H3C4: variants seen among roughly 807,000 people sequenced by gnomAD.
H3C4 encodes the protein H3 clustered histone 4.
A neutral mutation model predicts 8.7 loss-of-function variants in H3C4; 10 were observed. That is an observed-to-expected ratio of 1.15 (90% CI 0.71 to 1.96). H3C4 has a LOEUF of 1.96. Among genes scored for constraint, H3C4 ranks in the 30% most tolerant of loss-of-function variants. The pLI is 0.00. For synonymous variants in H3C4, 141 were observed against 80.1 expected (o/e 1.76, Z -4.06); for missense variants, 216 against 192.9 (o/e 1.12, Z -0.71).
chr6:26,196,802 G>C lies in H3C4; in HGVS notation c.*38C>G, dbSNP rs375318977. 4 of 1,610,426 alleles carry C rather than the reference G, an allele frequency of 2.5e-6. No homozygotes were observed. The highest frequency in any genetic ancestry group is 3.4e-6 in the Non-Finnish European group (4 of 1,178,120). On this transcript the variant is annotated 3_prime_UTR_variant, in exon 1 of 1. Transcript: ENST00000356476. The stretch of plus-strand genomic sequence containing the variant: ...GAAAAGGTGGTTGGCTCTGAAAAGA[G>C]CCTTTGGGTTTTGGTTAGCACACAT...
At chr6:26,199,200 G>C (rs773531178), upstream of H3C4, 5 of 1,612,638 alleles carry the variant, frequency 3.1e-6, no homozygotes, top group Non-Finnish European at 3.4e-6. Flanking sequence ...GCGGGTCTTA[G>C]CCTTAGCTCG....
chr6:26,197,881 T>TAAAAAAAA (rs79006416), upstream of H3C4, among the ~76,000 whole-genome samples: 3 of 105,204 alleles, frequency 2.9e-5, no homozygotes, highest in Non-Finnish European at 5.8e-5. Flanking sequence ...TAATCTGCTG[T>TAAAAAAAA]AAAAAAAAAA....
chr6:26,198,612 G>A (rs952330308), upstream of H3C4, among the ~76,000 whole-genome samples: 1 of 152,194 alleles, frequency 6.6e-6, no homozygotes, highest in African/African-American at 2.4e-5. Context: ...GATTACAGGC[G>A]TAAGGAACCG....
chr6:26,199,022 G>C (rs199881054), upstream of H3C4: 22 of 1,614,126 alleles, frequency 1.4e-5, no homozygotes, highest in Admixed American at 5.0e-5. Flanking sequence ...GGGTCTTCTT[G>C]TTGTCGCGGG....
rs2113856766 is a variant in H3C4 at position 26,197,108 on chromosome 6, G to A, written c.143C>T (p.Ala48Val). The change falls in exon 1 of 1, where the codon GCT becomes GTT. Residue 48 changes from alanine to valine, a missense_variant. Ala to Val is a moderately conservative substitution (Grantham distance 64, BLOSUM62 0). Transcript: ENST00000356476. ...KPHRYRPGTV[A>V]LREIRRYQKS... ...CTGGTAGCGGCGGATCTCGCGCAGAGCCACCGTGCCGGGCCGGTAACGGTG... is the reference window on the plus strand; with the variant it reads ...CTGGTAGCGGCGGATCTCGCGCAGAACCACCGTGCCGGGCCGGTAACGGTG... 1 of 1,614,214 alleles carries A rather than the reference G, an allele frequency of 6.2e-7. No individual in the cohort carries two copies. The highest frequency in any genetic ancestry group is 8.5e-7 in the Non-Finnish European group (1 of 1,180,034).
upstream of H3C4, chr6:26,197,322 CA>C (rs1764998730): frequency 7.3e-6 from 11 of 1,505,648 alleles, no homozygotes; most frequent in East Asian, 2.5e-4. Context: ...TATATAAAGA[CA>C]CCCCTGTTCT....
At chr6:26,197,442 C>A (rs776924729), upstream of H3C4, among the ~76,000 whole-genome samples, 1 of 152,204 alleles carries the variant, frequency 6.6e-6, no homozygotes, top group African/African-American at 2.4e-5. Context: ...CTCCGTCCAT[C>A]TTTAACTGCT....
upstream of H3C4, chr6:26,199,231 C>T (rs1300586710): frequency 1.9e-6 from 3 of 1,596,226 alleles, no homozygotes; most frequent in Non-Finnish European, 2.6e-6. Context: ...CCTTGCTTGC[C>T]GCGTCCGGAC....
chr6:26,196,825 C>T lies in H3C4; in HGVS notation c.*15G>A, dbSNP rs779967065. 9 of 1,614,006 alleles carry T rather than the reference C, an allele frequency of 5.6e-6. No individual in the cohort carries two copies. The African/African-American group carries it at 9.3e-5, about 17-fold the overall frequency. On this transcript the variant is annotated 3_prime_UTR_variant, in exon 1 of 1. Coordinates refer to ENST00000356476, the MANE Select transcript of H3C4 (RefSeq NM_001376937.1). ...GAGCCTTTGGGTTTTGGTTAGCACA[C>T]ATTCACAAGACAATTTACGCCCTCT...
upstream of H3C4, chr6:26,199,109 C>T (rs148382721): frequency 2.3e-5 from 37 of 1,614,076 alleles, no homozygotes; most frequent in Non-Finnish European, 3.0e-5. Context: ...GCGCGCCGGC[C>T]CCGACTCGCT....
rs534905286 is a variant in H3C4, at chr6:26,196,971, G to A, written c.280C>T (p.Gln94Ter). 4 of 1,614,246 alleles carry A rather than the reference G, an allele frequency of 2.5e-6. No individual in the cohort carries two copies. The highest frequency in any genetic ancestry group is 2.7e-5 in the African/African-American group (2 of 75,058). Residue 94 changes from glutamine to a stop codon, truncating the protein, a stop_gained, in exon 1 of 1, where the codon CAG becomes TAG. Transcript: ENST00000356476. LOFTEE classifies it high-confidence loss of function. ...RFQSSAVMAL[Q>*]EACEAYLVGL... ...ACCAGGTAGGCCTCGCAGGCCTCCT[G>A]CAGCGCCATCACCGCCGAGCTCTGA...
At chr6:26,197,986 G>A (rs1765020406), upstream of H3C4, among the ~76,000 whole-genome samples, 1 of 151,722 alleles carries the variant, frequency 6.6e-6, no homozygotes, top group Non-Finnish European at 1.5e-5. Context: ...CCTAAGGGCC[G>A]TCTGGCTCCA....
upstream of H3C4, chr6:26,199,019 CTTG>C (rs773584959): frequency 3.7e-6 from 6 of 1,613,990 alleles, no homozygotes; most frequent in East Asian, 2.2e-5. Context: ...TGCGGGTCTT[CTTG>C]TTGTCGCGGG....
upstream of H3C4, chr6:26,198,977 G>A (rs1223145998): frequency 1.2e-6 from 2 of 1,614,214 alleles, no homozygotes; most frequent in East Asian, 2.2e-5. Flanking sequence ...CCTCGTCGTT[G>A]CGGATGGCCA....
chr6:26,198,707 T>C (rs900591334), upstream of H3C4: 16 of 774,418 alleles, frequency 2.1e-5, no homozygotes, highest in Admixed American at 4.8e-4. Context: ...AACACCCACT[T>C]ATAAATGGAA....
chr6:26,198,860 C>T (rs1271788376), upstream of H3C4: 2 of 1,613,442 alleles, frequency 1.2e-6, no homozygotes, highest in South Asian at 1.1e-5. Context: ...TTTACTTGCC[C>T]TTGGCCTTGT....
At position 26,197,267 on chromosome 6, in the gene H3C4, C is replaced by A. The variant is rs749985769; in HGVS notation, c.-17G>T. 2 of 1,594,144 alleles carry A rather than the reference C, an allele frequency of 1.3e-6. No homozygotes were observed. The highest frequency in any genetic ancestry group is 1.7e-6 in the Non-Finnish European group (2 of 1,174,644). ...ACGAGCCATTGCGAACTTCTAAACC[C>A]TGCTAAATGACGAAAAAACGAAAGT... is the stretch of plus-strand genomic sequence containing the variant. On this transcript the variant is annotated 5_prime_UTR_variant, in exon 1 of 1. The change creates a new upstream start codon in the 5' untranslated region. Transcript: ENST00000356476.
Position 26,197,187 on chromosome 6 carries a change from C to T in H3C4, c.64G>A (p.Ala22Thr), listed in dbSNP as rs1764990673. 1 of 1,614,050 alleles carries T rather than the reference C, an allele frequency of 6.2e-7. No homozygotes were observed. The change falls in exon 1 of 1, where the codon GCC (alanine) becomes ACC (threonine). Residue 22 changes from alanine (A) to threonine (T), a missense_variant. By Grantham distance (58) the Ala-to-Thr change is moderately conservative (BLOSUM62 0). Transcript: ENST00000356476. ...GCGCTCTTTCGAGCAGCCTTGGTGG[C>T]CAGCTGCTTGCGTGGCGCTTTCCCA... The part of the protein sequence containing the change: ...TGGKAPRKQL[A>T]TKAARKSAPA...
At chr6:26,198,725 T>C (rs1172028008), upstream of H3C4, 2 of 905,422 alleles carry the variant, frequency 2.2e-6, no homozygotes, top group Non-Finnish European at 3.3e-6. Context: ...GAAAAATTAT[T>C]AAAGAAAACT....
Sources: allele counts gnomAD v4.1 joint callset (sites outside exome capture counted in the v4.1 genomes callset), GRCh38; gene constraint gnomAD v4.1.1; transcripts MANE v1.5; gene names NCBI Gene and HGNC (gene_info 2026-07-23, HGNC 2026-07-21).